The following DZANK1 variants were observed in gnomAD, a reference collection of about 807,000 sequenced individuals.
The protein encoded by DZANK1 is double zinc ribbon and ankyrin repeat domains 1.
Under a neutral mutation model 94.5 loss-of-function variants are expected in DZANK1, and 91 were observed. The ratio of observed to expected loss-of-function variants is 0.96; its 90% CI spans 0.81 to 1.15. DZANK1 has a LOEUF of 1.15. DZANK1 is among the 50% of genes most tolerant of loss of function. The pLI, the probability that DZANK1 is intolerant of heterozygous loss-of-function variation, is 0.00. For missense variants in DZANK1, 903 were observed against 916.4 expected (o/e 0.99, Z 0.19); for synonymous variants, 312 against 325.3 (o/e 0.96, Z 0.44).
At chr20:18,418,849 T>G (rs1288662735) in intron 10 of DZANK1, among the ~76,000 whole-genome samples, 1 of 152,132 alleles carries the variant, frequency 6.6e-6, no homozygotes. Context: ...AGATAATATT[T>G]AAAATAAAAT....
chr20:18,390,620 A>T (rs1319951470), intron 17 of DZANK1, among the ~76,000 whole-genome samples, 161 bp from the exon 18 acceptor site: 1 of 152,176 alleles, frequency 6.6e-6, no homozygotes, highest in Non-Finnish European at 1.5e-5. Flanking sequence ...CAGCACAAAT[A>T]TCCACATCTA....
rs201924646 is a variant in DZANK1, at chr20:18,385,089, G to C, written c.2020C>G (p.Leu674Val). 491 of 1,552,354 alleles carry C rather than the reference G, an allele frequency of 3.2e-4. No individual in the cohort carries two copies. The highest frequency in any genetic ancestry group is 4.0e-4 in the Non-Finnish European group (464 of 1,147,510). Residue 674 changes from leucine to valine, a missense_variant and splice_region_variant, in exon 20 of 21, where the codon CTC becomes GTC. By Grantham distance (32) the Leu-to-Val change is conservative. Transcript: ENST00000262547. ...GCTTCATGAAGAGCTGTATTTCTGA[G>C]CCTAATGAGGGGGGAAAAATCCTGG...
intron 2 of DZANK1, 23 bp downstream of exon 2, chr20:18,465,227 T>C: frequency 7.0e-7 from 1 of 1,436,786 alleles, no homozygotes; most frequent in Non-Finnish European, 9.6e-7. Flanking sequence ...TTTTAAACAA[T>C]TTCAAACATA....
At chr20:18,419,782 T>C (rs1020658840) in intron 10 of DZANK1, among the ~76,000 whole-genome samples, 1 of 149,274 alleles carries the variant, frequency 6.7e-6, no homozygotes, top group Non-Finnish European at 1.5e-5. Context: ...TAAGAAGTGA[T>C]AAAGGGAGTT....
chr20:18,457,674 C>T (rs1038936358), intron 3 of DZANK1, among the ~76,000 whole-genome samples: 1 of 152,188 alleles, frequency 6.6e-6, no homozygotes, highest in African/African-American at 2.4e-5. Flanking sequence ...ACCACATCTA[C>T]ATTCCAGCCA....
chr20:18,403,795 T>C (rs1286137643), intron 13 of DZANK1, among the ~76,000 whole-genome samples: 1 of 139,344 alleles, frequency 7.2e-6, no homozygotes, highest in Non-Finnish European at 1.6e-5. Flanking sequence ...TAACTTTCTT[T>C]CTTTTTTTTT....
At chr20:18,409,650 T>C (rs755041969) in intron 13 of DZANK1, among the ~76,000 whole-genome samples, 3 of 152,016 alleles carry the variant, frequency 2.0e-5, no homozygotes, top group Non-Finnish European at 4.4e-5. Context: ...TAAATGCATA[T>C]TTCTTTTCCC....
intron 8 of DZANK1, among the ~76,000 whole-genome samples, chr20:18,434,930 T>A (rs1056417598): frequency 1.3e-5 from 2 of 152,156 alleles, no homozygotes; most frequent in African/African-American, 2.4e-5. Context: ...ACTGGCAAAC[T>A]GGCCAAGGAT....
chr20:18,453,756 C>T lies in DZANK1; in HGVS notation c.450G>A (p.Trp150Ter). 1 of 1,612,788 alleles carries T rather than the reference C, an allele frequency of 6.2e-7. No individual in the cohort carries two copies. The highest frequency in any genetic ancestry group is 8.5e-7 in the Non-Finnish European group (1 of 1,179,046). The change falls in exon 5 of 21, where the codon TGG becomes TGA. Residue 150 changes from tryptophan to a stop codon, truncating the protein, a stop_gained. Transcript: ENST00000262547. LOFTEE classifies it high-confidence loss of function. ...CTGGAAACTTTCTAAGGTTAACATT[C>T]CAGCTGCGTTGATTTTCAGAGTTCT...
rs550673460 is a variant in DZANK1 at position 18,394,461 on chromosome 20, C to T, written c.1612-111G>A. ...TCCTTATTAAGTACAGCTCTACCTA[C>T]CCAGAGAGTGGAGCCTGAGACCTGG... is the stretch of plus-strand genomic sequence containing the variant. On this transcript the variant is annotated intron_variant, in intron 15 of 20. Transcript: ENST00000262547. The T allele has an allele frequency of 6.4e-5, 67 of 1,046,122 alleles. No individual in the cohort carries two copies. In the African/African-American group the frequency reaches 8.8e-4, roughly 14 times the overall value. 64.8% of individuals were successfully genotyped at this position (1,046,122 alleles called of 1,614,324 possible).
At chr20:18,424,397 G>C (rs1407411706) in intron 10 of DZANK1, among the ~76,000 whole-genome samples, 1 of 151,668 alleles carries the variant, frequency 6.6e-6, no homozygotes, top group Non-Finnish European at 1.5e-5. Flanking sequence ...GGAGGTTGCA[G>C]TGACCCAAGA....
chr20:18,393,603 A>G (rs74171681), intron 17 of DZANK1, 108 bp downstream of exon 17: 1 of 709,776 alleles, frequency 1.4e-6, no homozygotes. Flanking sequence ...CTCATAAAAA[A>G]GGAACAGAAA....
chr20:18,409,583 C>CACACACACA (rs1555858807), intron 13 of DZANK1, among the ~76,000 whole-genome samples: 25,944 of 139,596 alleles, frequency 0.19, 2,610 homozygotes, highest in Middle Eastern at 0.26. Context: ...CACACACACA[C>CACACACACA]CACCACCACC....
intron 9 of DZANK1, 97 bp from the exon 10 acceptor site, chr20:18,427,256 G>C: frequency 1.2e-6 from 1 of 840,218 alleles, no homozygotes; most frequent in South Asian, 1.8e-5. Flanking sequence ...TCAGCTACAG[G>C]CCCTATTACT....
intron 15 of DZANK1, 63 bp downstream of exon 15, chr20:18,396,409 T>A: frequency 7.4e-7 from 1 of 1,351,250 alleles, no homozygotes. Flanking sequence ...AGCATTTCTA[T>A]AAATTGTCTC....
intron 6 of DZANK1, chr20:18,451,879 G>C (rs1698392593): frequency 1.9e-6 from 1 of 518,526 alleles, no homozygotes; most frequent in Non-Finnish European, 3.8e-6. Flanking sequence ...CCTAAATAAT[G>C]TTCTCCCTTT....
intron 9 of DZANK1, chr20:18,428,519 G>A (rs2058152634): frequency 6.6e-6 from 1 of 152,218 alleles, no homozygotes; most frequent in Admixed American, 6.5e-5. Flanking sequence ...GGACCCTGGG[G>A]TTACACTGCA....
chr20:18,402,667 G>A (rs1302960883), intron 13 of DZANK1, among the ~76,000 whole-genome samples: 1 of 152,116 alleles, frequency 6.6e-6, no homozygotes. Flanking sequence ...TCTTCAAAGT[G>A]TACTTCCTTT....
At chr20:18,446,433 CT>C (rs1488469988) in intron 7 of DZANK1, among the ~76,000 whole-genome samples, 17 of 152,270 alleles carry the variant, frequency 1.1e-4, no homozygotes, top group African/African-American at 3.6e-4. Flanking sequence ...TAATTAGAAA[CT>C]GTTTGAACTG....
Sources: allele counts gnomAD v4.1 joint callset (sites outside exome capture counted in the v4.1 genomes callset), GRCh38; gene constraint gnomAD v4.1.1; transcripts MANE v1.5; gene names NCBI Gene and HGNC (gene_info 2026-07-23, HGNC 2026-07-21).